The following ATAD2B variants were observed in gnomAD, a reference collection of about 807,000 sequenced individuals.
The protein encoded by ATAD2B is ATPase family AAA domain containing 2B, also known as ATPase family AAA domain-containing protein 2B.
A neutral mutation model predicts 167.6 loss-of-function variants in ATAD2B; 40 were observed. The observed-to-expected ratio is 0.24, with a 90% CI of 0.19 to 0.31. The LOEUF (loss-of-function observed/expected upper bound fraction) is 0.31, where lower values mean the gene tolerates loss of function less well. Ranked by LOEUF, ATAD2B falls within the 10% of genes least tolerant of loss-of-function variation. The pLI, the probability that ATAD2B is intolerant of heterozygous loss-of-function variation, is 1.00. For synonymous variants in ATAD2B, 579 were observed against 596.5 expected (o/e 0.97, Z 0.43); for missense variants, 1,242 against 1,757.2 (o/e 0.71, Z 5.24).
Position 23,757,282 on chromosome 2 carries a change from T to C in ATAD2B, c.4078+136A>G, listed in dbSNP as rs573079825. 1.2e-4 allele frequency: 80 copies of C among 655,618 alleles called. 1 individual carries two copies. The highest frequency in any genetic ancestry group is 2.8e-4 in the Middle Eastern group (1 of 3,518). The allele number at this position is 655,618 out of a possible 1,614,324, so 40.6% of individuals were successfully genotyped here. A position where few individuals can be genotyped will look rare whatever the true frequency, so the allele number is the denominator to read the frequency against. ...CACACATGTGTGCTTTTCTAGAGAA[T>C]AGGATGAAAACTTTAACATATTCTC... On this transcript the variant is annotated intron_variant, in intron 25 of 27. Transcript: ENST00000238789.
At position 23,834,098 on chromosome 2, in the gene ATAD2B, C is replaced by G; in HGVS notation, c.1569-20G>C. ...ATAGAGCTGTAAAATAATTTTCAGG[C>G]AAAATTAAAAGAATTGTAAACACTG... On this transcript the variant is annotated intron_variant, in intron 13 of 27. Coordinates refer to ENST00000238789, the MANE Select transcript of ATAD2B (RefSeq NM_017552.4). 7.2e-7 allele frequency: 1 copy of G among 1,393,236 alleles called. No individual in the cohort carries two copies. The highest frequency in any genetic ancestry group is 9.5e-7 in the Non-Finnish European group (1 of 1,055,978). 86.3% of individuals were successfully genotyped at this position (1,393,236 alleles called of 1,614,324 possible).
At chr2:23,886,889 CCA>C (rs1364693808) in intron 4 of ATAD2B, among the ~76,000 whole-genome samples, 14 of 150,572 alleles carry the variant, frequency 9.3e-5, no homozygotes, top group Non-Finnish European at 1.8e-4. Context: ...CGAGATCACG[CCA>C]CTGCACTCCA....
In ATAD2B at chr2:23,895,851, T is replaced by C; in HGVS notation, c.336A>G (p.Arg112=). ...DKSKSRSTGQ[R]EEWNLSTGQA... is the part of the protein sequence containing the mutation. ...GTCCAGTTGATAAGTTCCATTCCTC[T>C]CGCTGACCAGTACTTCGTGATTTTG... The change falls in exon 2 of 28, where the codon CGA becomes CGG. Residue 112 remains arginine (R), a synonymous_variant. Transcript: ENST00000238789. The C allele has an allele frequency of 6.2e-7, 1 of 1,612,514 alleles. No homozygotes were observed. The highest frequency in any genetic ancestry group is 1.1e-5 in the South Asian group (1 of 90,946).
intron 12 of ATAD2B, among the ~76,000 whole-genome samples, chr2:23,858,489 C>CT (rs34177847): frequency 0.44 from 59,051 of 134,292 alleles, 13,875 homozygotes; most frequent in East Asian, 0.77. Context: ...CTGTCTCATT[C>CT]TTTTTTTTTT....
At chr2:23,899,301 C>T (rs1700507566) in intron 1 of ATAD2B, among the ~76,000 whole-genome samples, 1 of 85,808 alleles carries the variant, frequency 1.2e-5, no homozygotes, top group Admixed American at 1.3e-4. Context: ...AAGACCCCAT[C>T]TCAAAAAAAA....
the ATAD2B span, chr2:23,695,941 G>T: frequency 3.2e-6 from 5 of 1,550,558 alleles, no homozygotes; most frequent in Non-Finnish European, 4.4e-6. This position sits in a 1 kb window ranked among gnomAD's most constrained non-coding sequence, Gnocchi z 7.6. Flanking sequence ...GCCCATCCAT[G>T]TCCCTGCAGG....
chr2:23,816,195 T>C (rs1217314107), intron 17 of ATAD2B, among the ~76,000 whole-genome samples: 2 of 152,192 alleles, frequency 1.3e-5, no homozygotes, highest in Non-Finnish European at 2.9e-5. Context: ...CATACATTAG[T>C]ATGAGAAATG....
At chr2:23,759,573 C>T (rs1216839864) in intron 24 of ATAD2B, among the ~76,000 whole-genome samples, 1 of 152,118 alleles carries the variant, frequency 6.6e-6, no homozygotes, top group Non-Finnish European at 1.5e-5. Context: ...ACTCTTCTTT[C>T]TTACCTAAGA....
Position 23,888,357 on chromosome 2 carries a change from A to G in ATAD2B, c.411T>C (p.Ser137=). Residue 137 remains serine, a synonymous_variant, in exon 3 of 28, where the codon AGT becomes AGC. Coordinates refer to ENST00000238789, the MANE Select transcript of ATAD2B (RefSeq NM_017552.4). The part of the protein sequence containing the change: ...QPGATLPNGH[S]GLSLRSHPLR... ...TTATAATAGAATACTCACATAAGCC[A>G]CTATGTCCATTTGGTAATGTAGCAC... The G allele has an allele frequency of 6.3e-7, 1 of 1,589,806 alleles. No homozygotes were observed. Among genetic ancestry groups the G allele is most frequent in the Non-Finnish European group, 8.6e-7 (1 of 1,168,048 alleles).
intron 1 of ATAD2B, among the ~76,000 whole-genome samples, chr2:23,914,032 G>T (rs1702671993): frequency 6.6e-6 from 1 of 152,012 alleles, no homozygotes; most frequent in Non-Finnish European, 1.5e-5. Flanking sequence ...ACTTCACGAG[G>T]CCAGGGCAGG....
the ATAD2B span, among the ~76,000 whole-genome samples, chr2:23,731,205 AATTC>A: frequency 0.1 from 15,561 of 152,268 alleles, 880 homozygotes; most frequent in Middle Eastern, 0.18. Flanking sequence ...GTAAGGAAAT[AATTC>A]ATTAAATTCA....
intron 24 of ATAD2B, among the ~76,000 whole-genome samples, chr2:23,760,916 T>C (rs923789239): frequency 6.6e-6 from 1 of 152,134 alleles, no homozygotes; most frequent in Non-Finnish European, 1.5e-5. Flanking sequence ...AGATTTCTTA[T>C]TTAAGTTAAT....
At chr2:23,872,144 G>A in intron 8 of ATAD2B, 1 of 268,044 alleles carries the variant, frequency 3.7e-6, no homozygotes, top group Non-Finnish European at 7.4e-6. Flanking sequence ...CCAAACTGCT[G>A]GGATTACAGG....
chr2:23,869,821 C>T, intron 8 of ATAD2B, 60 bp from the exon 9 acceptor site: 1 of 1,056,658 alleles, frequency 9.5e-7, no homozygotes, highest in South Asian at 1.5e-5. Flanking sequence ...TTTTAAAACA[C>T]ACTGTAATAT....
intron 22 of ATAD2B, among the ~76,000 whole-genome samples, chr2:23,769,680 T>G (rs1383632996): frequency 2.0e-5 from 3 of 151,746 alleles, no homozygotes; most frequent in African/African-American, 7.3e-5. Flanking sequence ...TTTAGACGAT[T>G]ATTACAAGTG....
the ATAD2B span, among the ~76,000 whole-genome samples, chr2:23,733,176 T>C: frequency 3.9e-4 from 60 of 152,196 alleles, no homozygotes; most frequent in Non-Finnish European, 7.1e-4. Flanking sequence ...CTAAACCCTG[T>C]GTCCCTGTCT....
At chr2:23,854,680 A>C (rs1020720949) in intron 13 of ATAD2B, among the ~76,000 whole-genome samples, 3 of 148,804 alleles carry the variant, frequency 2.0e-5, no homozygotes, top group Non-Finnish European at 4.5e-5. Flanking sequence ...CTTCGTCTCA[A>C]AAAAAAAAAA....
At chr2:23,767,196 A>G (rs1293455624) in intron 22 of ATAD2B, among the ~76,000 whole-genome samples, 1 of 151,442 alleles carries the variant, frequency 6.6e-6, no homozygotes, top group Non-Finnish European at 1.5e-5. Context: ...TACCTACTCC[A>G]CCCTAACTCA....
intron 22 of ATAD2B, among the ~76,000 whole-genome samples, chr2:23,771,738 C>A (rs1341837604): frequency 6.6e-6 from 1 of 152,086 alleles, no homozygotes; most frequent in Non-Finnish European, 1.5e-5. Flanking sequence ...AACTCTATTG[C>A]GGCCCCTGTG....
Sources: gnomAD v4.1 joint callset for allele counts (sites outside exome capture counted in the v4.1 genomes callset) on GRCh38, gnomAD v4.1.1 for gene constraint, Gnocchi (gnomAD v3.1) non-coding constraint, MANE v1.5 for transcripts, NCBI Gene and HGNC (gene_info 2026-07-23, HGNC 2026-07-21) for gene names.